DENND1A: variants seen among roughly 807,000 people sequenced by gnomAD.
DENND1A encodes DENN domain containing 1A.
Under a neutral mutation model 113.7 loss-of-function variants are expected in DENND1A, and 51 were observed. That is an observed-to-expected ratio of 0.45 (90% CI 0.36 to 0.57). The LOEUF is 0.57. Ranked by LOEUF, DENND1A falls within the 20% of genes least tolerant of loss-of-function variation. The probability of loss-of-function intolerance (pLI) is 0.00; values close to 1 mark genes in which losing one functional copy is unlikely to be tolerated. For missense variants in DENND1A, 1,258 were observed against 1,395.9 expected, an observed-to-expected ratio of 0.90 and a Z score of 1.57; for synonymous variants, 565 against 570.8, an observed-to-expected ratio of 0.99 and a Z score of 0.14.
At chr9:123,583,123 T>C (rs777657229) in intron 12 of DENND1A, 46 bp downstream of exon 12, 6 of 1,423,254 alleles carry the variant, frequency 4.2e-6, no homozygotes, top group Admixed American at 3.7e-5. Context: ...TTCATTTCCT[T>C]TGCAGGAGCT....
At chr9:123,913,110 G>GT (rs1421698452) in intron 1 of DENND1A, among the ~76,000 whole-genome samples, 4 of 101,434 alleles carry the variant, frequency 3.9e-5, no homozygotes, top group Non-Finnish European at 5.7e-5. Context: ...ACCAAAGACA[G>GT]TTTAAAAAAA....
chr9:123,673,951 A>T lies in DENND1A; in HGVS notation c.373-2580T>A, dbSNP rs571544950. Among the ~76,000 whole-genome samples, 4 of 151,896 alleles carry T rather than the reference A, an allele frequency of 2.6e-5. No individual in the cohort carries two copies. The East Asian group carries it at 7.8e-4, about 30-fold the overall frequency. ...CCTTCCCTCCCCAACACTGACATCC[A>T]GGGCTGGGCCTCTACTGCCCAACCC... is the stretch of plus-strand genomic sequence containing the variant. On this transcript the variant is annotated intron_variant, in intron 6 of 23. Transcript: ENST00000394215.
chr9:123,647,732 T>C (rs1227876801), intron 9 of DENND1A, among the ~76,000 whole-genome samples: 2 of 152,234 alleles, frequency 1.3e-5, no homozygotes. Context: ...ATATTGATAG[T>C]GCAGTTCATT....
intron 1 of DENND1A, among the ~76,000 whole-genome samples, chr9:123,884,098 A>G (rs1369128805): frequency 6.6e-6 from 1 of 152,166 alleles, no homozygotes; most frequent in Non-Finnish European, 1.5e-5. Flanking sequence ...CAAAAATAAA[A>G]AAGTGCCTCC....
At chr9:123,473,384 C>T (rs1301876290) in intron 13 of DENND1A, among the ~76,000 whole-genome samples, 1 of 152,102 alleles carries the variant, frequency 6.6e-6, no homozygotes, top group East Asian at 1.9e-4. Flanking sequence ...TGCAGAGCAG[C>T]ATCTGGCTCC....
intron 13 of DENND1A, among the ~76,000 whole-genome samples, chr9:123,508,598 T>C (rs753590284): frequency 1.3e-5 from 2 of 152,244 alleles, no homozygotes; most frequent in African/African-American, 2.4e-5. Flanking sequence ...AATTCGCTAA[T>C]TGCACATCTT....
At chr9:123,743,685 C>T (rs1272202685) in intron 5 of DENND1A, among the ~76,000 whole-genome samples, 1 of 151,158 alleles carries the variant, frequency 6.6e-6, no homozygotes, top group East Asian at 1.9e-4. Flanking sequence ...TGAGCTGAGA[C>T]CACGCAATTG....
At chr9:123,842,086 G>A (rs1841922862) in intron 2 of DENND1A, among the ~76,000 whole-genome samples, 1 of 152,184 alleles carries the variant, frequency 6.6e-6, no homozygotes, top group South Asian at 2.1e-4. Context: ...TAAGTCCCAT[G>A]TTTCTCATTA....
At chr9:123,432,640 A>T (rs1349967337) in intron 19 of DENND1A, among the ~76,000 whole-genome samples, 3 of 152,240 alleles carry the variant, frequency 2.0e-5, no homozygotes, top group Non-Finnish European at 1.5e-5. Context: ...TATGCTTTGG[A>T]AACAACAGGG....
At chr9:123,557,940 C>T (rs1589130170) in intron 12 of DENND1A, among the ~76,000 whole-genome samples, 2 of 151,334 alleles carry the variant, frequency 1.3e-5, no homozygotes, top group Admixed American at 6.6e-5. Flanking sequence ...TACAGTGAGC[C>T]GAGATTGCGC....
chr9:123,658,102 T>C (rs1053309759), intron 8 of DENND1A, among the ~76,000 whole-genome samples: 4 of 152,232 alleles, frequency 2.6e-5, no homozygotes, highest in African/African-American at 9.6e-5. Context: ...AAATCTTTTC[T>C]ATATCATGGC....
At chr9:123,734,198 A>G (rs34815426) in intron 5 of DENND1A, among the ~76,000 whole-genome samples, 1,975 of 152,250 alleles carry the variant, frequency 0.013, 19 homozygotes, top group Middle Eastern at 0.024. Flanking sequence ...TTTTAGCAAG[A>G]TAAGTTATGG....
chr9:123,865,506 TGAG>T (rs1845687652), intron 2 of DENND1A, among the ~76,000 whole-genome samples: 1 of 152,188 alleles, frequency 6.6e-6, no homozygotes, highest in South Asian at 2.1e-4. Flanking sequence ...GTGTGCAGAA[TGAG>T]AAGGCTCAGA....
chr9:123,661,380 C>T (rs1384332990), intron 8 of DENND1A, among the ~76,000 whole-genome samples: 5 of 152,182 alleles, frequency 3.3e-5, no homozygotes, highest in African/African-American at 1.2e-4. Context: ...TAAAGGCTTA[C>T]ACTGAAAATG....
intron 11 of DENND1A, among the ~76,000 whole-genome samples, chr9:123,604,482 G>C (rs781625124): frequency 6.6e-6 from 1 of 152,116 alleles, no homozygotes; most frequent in Admixed American, 6.5e-5. Context: ...ATGGTGCCCC[G>C]TACACAGAAA....
Position 123,403,448 on chromosome 9 carries a change from T to C in DENND1A, c.1585A>G (p.Asn529Asp). ...GTCCTCCGGCCTTCCACTGCGATGT[T>C]GCTCTTTGGTCTCTTAACAACATGT... Reference protein sequence around the residue: ...RPHVVKRPKSNIAVEGRRTSV... With the variant: ...RPHVVKRPKSDIAVEGRRTSV... The change falls in exon 21 of 24, where the codon AAC becomes GAC. Residue 529 changes from asparagine (N) to aspartate (D), a missense_variant. Physicochemically the swap from Asn to Asp is conservative, Grantham distance 23. Around this residue, in one of 2 missense-constraint regions of DENND1A, gnomAD observed 1,159 missense variants for 1,231.7 expected, o/e 0.94. Coordinates refer to ENST00000394215, the MANE Select transcript of DENND1A (RefSeq NM_001352964.2). The C allele has an allele frequency of 6.2e-7, 1 of 1,614,192 alleles. No homozygotes were observed. The highest frequency in any genetic ancestry group is 1.1e-5 in the South Asian group (1 of 91,070).
intron 3 of DENND1A, among the ~76,000 whole-genome samples, chr9:123,772,825 C>T (rs938215902): frequency 1.3e-5 from 2 of 152,114 alleles, no homozygotes; most frequent in East Asian, 1.9e-4. Context: ...TTAGGACATT[C>T]GCCACCTGGT....
chr9:123,885,037 T>A (rs867782075), intron 1 of DENND1A, among the ~76,000 whole-genome samples: 4 of 149,858 alleles, frequency 2.7e-5, no homozygotes, highest in African/African-American at 5.0e-5. Flanking sequence ...ACACTCACTC[T>A]CTCTCTCACA....
intron 13 of DENND1A, among the ~76,000 whole-genome samples, chr9:123,537,278 A>C (rs1367281876): frequency 6.6e-6 from 1 of 152,090 alleles, no homozygotes; most frequent in African/African-American, 2.4e-5. Context: ...TTCAGAATAA[A>C]GGAATATAAG....
Sources: allele counts gnomAD v4.1 joint callset (sites outside exome capture counted in the v4.1 genomes callset), GRCh38; gene constraint gnomAD v4.1.1; regional missense constraint gnomAD v4.1.1; transcripts MANE v1.5; gene names NCBI Gene and HGNC (gene_info 2026-07-23, HGNC 2026-07-21).